Variants in CDH7 observed in about 807,000 individuals in gnomAD.
CDH7 encodes the protein cadherin 7.
A neutral mutation model predicts 71.8 loss-of-function variants in CDH7; 25 were observed. The observed-to-expected ratio is 0.35, with a 90% CI of 0.25 to 0.49. The LOEUF (loss-of-function observed/expected upper bound fraction) is 0.49. Among genes scored for constraint, CDH7 ranks in the 20% least tolerant of loss-of-function variants. The pLI, the probability that CDH7 is intolerant of heterozygous loss-of-function variation, is 0.99. For synonymous variants in CDH7, 381 were observed against 363.8 expected (o/e 1.05, Z -0.54); for missense variants, 862 against 974.6 (o/e 0.88, Z 1.54).
intron 7 of CDH7, among the ~76,000 whole-genome samples, chr18:65,846,777 G>A (rs112866216): frequency 3.9e-5 from 6 of 152,130 alleles, no homozygotes; most frequent in South Asian, 2.1e-4. Flanking sequence ...GTATTAGCCA[G>A]CAAAAAGGAA....
intron 11 of CDH7, among the ~76,000 whole-genome samples, chr18:65,880,190 G>A (rs1015404525): frequency 2.0e-5 from 3 of 152,140 alleles, no homozygotes; most frequent in Non-Finnish European, 4.4e-5. Flanking sequence ...GTGGAAAAGG[G>A]TTCCTTGATG....
chr18:65,871,933 G>A (rs544123945), intron 11 of CDH7, among the ~76,000 whole-genome samples: 1 of 152,214 alleles, frequency 6.6e-6, no homozygotes, highest in Admixed American at 6.5e-5. Flanking sequence ...TGCCATACAA[G>A]AGGCAGTTGA....
chr18:65,868,779 T>C (rs1913840837), intron 11 of CDH7, among the ~76,000 whole-genome samples: 1 of 152,222 alleles, frequency 6.6e-6, no homozygotes, highest in Non-Finnish European at 1.5e-5. Context: ...TAGGAAACTT[T>C]TCTTCTATAT....
At chr18:65,858,837 A>T in intron 8 of CDH7, 88 bp from the exon 9 acceptor site, 2 of 1,329,960 alleles carry the variant, frequency 1.5e-6, no homozygotes, top group Non-Finnish European at 2.1e-6. Flanking sequence ...ATGATTCTAG[A>T]TTTCATTCTC....
At chr18:65,861,781 G>A (rs1913573034) in intron 10 of CDH7, among the ~76,000 whole-genome samples, 1 of 151,904 alleles carries the variant, frequency 6.6e-6, no homozygotes, top group Non-Finnish European at 1.5e-5. Context: ...AAATCTTTTT[G>A]ACAGTTTGGA....
chr18:65,874,821 G>A (rs527516105), intron 11 of CDH7, among the ~76,000 whole-genome samples: 1 of 151,720 alleles, frequency 6.6e-6, no homozygotes, highest in Non-Finnish European at 1.5e-5. Flanking sequence ...AGATGACATC[G>A]GCAGAATTCT....
At chr18:65,792,429 G>A (rs1337280038) in intron 2 of CDH7, among the ~76,000 whole-genome samples, 1 of 152,032 alleles carries the variant, frequency 6.6e-6, no homozygotes, top group East Asian at 1.9e-4. Flanking sequence ...AAGCTTGCAG[G>A]TGAGGCAGCA....
intron 6 of CDH7, among the ~76,000 whole-genome samples, chr18:65,842,699 C>A (rs1912778533): frequency 6.6e-6 from 1 of 151,984 alleles, no homozygotes; most frequent in African/African-American, 2.4e-5. Flanking sequence ...TGCGTGCCTG[C>A]ATACATATAC....
At chr18:65,822,634 A>G (rs1237428510) in intron 5 of CDH7, among the ~76,000 whole-genome samples, 6 of 152,032 alleles carry the variant, frequency 3.9e-5, no homozygotes, top group African/African-American at 7.2e-5. Context: ...TATTCATTCT[A>G]TGCACTAAAA....
chr18:65,811,512 G>A (rs1324570433), intron 3 of CDH7, among the ~76,000 whole-genome samples: 3 of 152,154 alleles, frequency 2.0e-5, no homozygotes, highest in African/African-American at 7.2e-5. Context: ...CCAAACAGGT[G>A]TATTCACACT....
chr18:65,840,126 A>G (rs959308291), intron 6 of CDH7, among the ~76,000 whole-genome samples: 3 of 152,200 alleles, frequency 2.0e-5, no homozygotes, highest in Non-Finnish European at 4.4e-5. Context: ...ATACTTCACA[A>G]AAATGTTTGC....
At chr18:65,877,121 G>A (rs527736815) in intron 11 of CDH7, among the ~76,000 whole-genome samples, 54 of 152,116 alleles carry the variant, frequency 3.5e-4, no homozygotes, top group African/African-American at 9.9e-4. Context: ...TTTTATATGC[G>A]CTTACATGGT....
At chr18:65,786,277 A>G (rs1341715932) in intron 2 of CDH7, among the ~76,000 whole-genome samples, 6 of 152,082 alleles carry the variant, frequency 3.9e-5, no homozygotes, top group Non-Finnish European at 8.8e-5. Flanking sequence ...ATTTAAAGTA[A>G]TAACCAAGGG....
rs1405471520 is a variant in CDH7 at position 65,780,925 on chromosome 18, T to G, written c.210+17873T>G. On this transcript the variant is annotated intron_variant, in intron 2 of 11. Transcript: ENST00000397968. Reference sequence around the variant, plus strand: ...TTGCCTCTCTCTATTCCTGTTTTTTTTTTTTTTTTTTTCGGAGAAAATAGG... The same window carrying G: ...TTGCCTCTCTCTATTCCTGTTTTTTGTTTTTTTTTTTTCGGAGAAAATAGG... 1.1e-4 allele frequency among the ~76,000 whole-genome samples: 16 copies of G among 151,366 alleles called. 1 individual carries two copies. Among genetic ancestry groups the G allele is most frequent in the East Asian group, 3.9e-4 (2 of 5,134 alleles).
At chr18:65,830,760 C>T (rs8085969) in intron 6 of CDH7, among the ~76,000 whole-genome samples, 1 of 145,188 alleles carries the variant, frequency 6.9e-6, no homozygotes, top group Non-Finnish European at 1.5e-5. Flanking sequence ...TTTCTTTTCT[C>T]TCTCTCTTTT....
intron 7 of CDH7, among the ~76,000 whole-genome samples, chr18:65,856,603 CAAG>C (rs1366454335): frequency 6.6e-6 from 1 of 151,984 alleles, no homozygotes; most frequent in Non-Finnish European, 1.5e-5. Context: ...AATCAAGAAT[CAAG>C]AAGATGAAGA....
chr18:65,782,129 T>C (rs1427519326), intron 2 of CDH7, among the ~76,000 whole-genome samples: 1 of 87,172 alleles, frequency 1.1e-5, no homozygotes, highest in Non-Finnish European at 2.0e-5. Flanking sequence ...TTTCTTTCTT[T>C]CTTTCTTTCT....
At position 65,778,529 on chromosome 18, in the gene CDH7, C is replaced by CTTTTTTTTTTTTTTTTTTTTTT. The variant is rs1156727313; in HGVS notation, c.210+15497_210+15498insTTTTTTTTTTTTTTTTTTTTTT. Among the ~76,000 whole-genome samples the CTTTTTTTTTTTTTTTTTTTTTT allele has an allele frequency of 4.6e-4, 39 of 84,292 alleles. 3 individuals carry two copies. The highest frequency in any genetic ancestry group is 7.1e-4 in the Non-Finnish European group (30 of 42,314). The allele number at this position is 84,292 out of a possible 152,430, so 55.3% of individuals were successfully genotyped here. ...AATTTTTTGCCCCAGGCGTCTCACT[C>CTTTTTTTTTTTTTTTTTTTTTT]TTTTTTTTTTTTTTTTTTTTACATA... On this transcript the variant is annotated intron_variant, in intron 2 of 11. Transcript: ENST00000397968.
rs377257571 is a variant in CDH7, at chr18:65,884,362, A to G, written c.*3468A>G. The G allele has an allele frequency of 6.6e-6, 1 of 152,126 alleles. No individual in the cohort carries two copies. The highest frequency in any genetic ancestry group is 1.5e-5 in the Non-Finnish European group (1 of 67,998). 9.4% of individuals were successfully genotyped at this position (152,126 alleles called of 1,614,324 possible). A position where few individuals can be genotyped will look rare whatever the true frequency, so the allele number is the denominator to read the frequency against. On this transcript the variant is annotated 3_prime_UTR_variant, in exon 12 of 12. Coordinates refer to ENST00000397968, the MANE Select transcript of CDH7 (RefSeq NM_004361.5). ...TAGATTTTTGATTTTTCTACAAGCA[A>G]TCACCAGATCTGGGATCTGGTAAAT...
Sources: allele counts gnomAD v4.1 joint callset (sites outside exome capture counted in the v4.1 genomes callset), GRCh38; gene constraint gnomAD v4.1.1; transcripts MANE v1.5; gene names NCBI Gene and HGNC (gene_info 2026-07-23, HGNC 2026-07-21).